Variants in AGBL1 observed in about 807,000 individuals in gnomAD.
The protein encoded by AGBL1 is AGBL carboxypeptidase 1.
Under a neutral mutation model 118.9 loss-of-function variants are expected in AGBL1, and 130 were observed. The ratio of observed to expected loss-of-function variants is 1.09; its 90% CI spans 0.95 to 1.26. The LOEUF (loss-of-function observed/expected upper bound fraction) is 1.26. AGBL1 is among the 50% of genes most tolerant of loss of function. The pLI, the probability that AGBL1 is intolerant of heterozygous loss-of-function variation, is 0.00. For synonymous variants in AGBL1, 555 were observed against 478.9 expected (o/e 1.16, Z -2.08); for missense variants, 1,584 against 1,298.1 (o/e 1.22, Z -3.38).
rs770780218 is a variant in AGBL1 at position 86,084,833 on chromosome 15, T to TATCCATCCATCCATCC, written c.51+4815_51+4830dup. 1.8e-3 allele frequency among the ~76,000 whole-genome samples: 272 copies of TATCCATCCATCCATCC among 152,314 alleles called. 8 individuals are homozygous for TATCCATCCATCCATCC. In the South Asian group the frequency reaches 0.053, roughly 30 times the overall value. On this transcript the variant is annotated intron_variant, in intron 1 of 22. Transcript: ENST00000614907. ...ATATTCACTCATCCACCCATTCATT[T>TATCCATCCATCCATCC]ATCCATCCATCCATCCATCCCATTT...
At chr15:86,476,807 C>A (rs1440408732) in intron 18 of AGBL1, among the ~76,000 whole-genome samples, 4 of 152,154 alleles carry the variant, frequency 2.6e-5, no homozygotes, top group Non-Finnish European at 5.9e-5. Context: ...TGCACTTATT[C>A]CAAAATTGAC....
intron 1 of AGBL1, among the ~76,000 whole-genome samples, chr15:86,131,804 G>T (rs2076823065): frequency 6.6e-6 from 1 of 151,948 alleles, no homozygotes; most frequent in African/African-American, 2.4e-5. Context: ...ACAAAAATGA[G>T]CAAGGTGTGG....
chr15:86,218,685 C>G (rs2078229776), intron 5 of AGBL1, among the ~76,000 whole-genome samples: 1 of 152,134 alleles, frequency 6.6e-6, no homozygotes. Context: ...TTGGGGAAAC[C>G]CCCATTGCAA....
At chr15:86,697,370 C>G (rs920410188) in intron 22 of AGBL1, among the ~76,000 whole-genome samples, 1 of 151,758 alleles carries the variant, frequency 6.6e-6, no homozygotes, top group Non-Finnish European at 1.5e-5. Flanking sequence ...CTTTCTTTTG[C>G]TTGTTCGATT....
At chr15:86,436,631 C>T (rs1429948587) in intron 18 of AGBL1, among the ~76,000 whole-genome samples, 1 of 152,092 alleles carries the variant, frequency 6.6e-6, no homozygotes, top group African/African-American at 2.4e-5. Flanking sequence ...CCTTTGCTGC[C>T]ATAACAATTA....
intron 18 of AGBL1, among the ~76,000 whole-genome samples, chr15:86,484,696 C>A (rs1454087562): frequency 6.6e-6 from 1 of 152,074 alleles, no homozygotes; most frequent in Non-Finnish European, 1.5e-5. Context: ...AGCCTATTAT[C>A]AATTGATTCC....
chr15:86,247,403 G>T (rs1272862861), intron 6 of AGBL1, among the ~76,000 whole-genome samples: 1 of 152,130 alleles, frequency 6.6e-6, no homozygotes, highest in Non-Finnish European at 1.5e-5. Flanking sequence ...GATCCAACTT[G>T]GGTTATGCAT....
At chr15:86,550,712 G>C (rs887498772) in intron 20 of AGBL1, among the ~76,000 whole-genome samples, 1 of 151,958 alleles carries the variant, frequency 6.6e-6, no homozygotes, top group Non-Finnish European at 1.5e-5. Context: ...TAACCAAAAA[G>C]AAAATTAGTA....
At chr15:86,487,888 C>G (rs909940029) in intron 18 of AGBL1, among the ~76,000 whole-genome samples, 3 of 152,110 alleles carry the variant, frequency 2.0e-5, no homozygotes, top group African/African-American at 7.2e-5. Flanking sequence ...TGAGAGAACA[C>G]TGGTCTGCAG....
At position 86,397,505 on chromosome 15, in the gene AGBL1, G is replaced by T; in HGVS notation, c.2514G>T (p.Lys838Asn). 1 of 1,612,772 alleles carries T rather than the reference G, an allele frequency of 6.2e-7. No homozygotes were observed. The highest frequency in any genetic ancestry group is 8.5e-7 in the Non-Finnish European group (1 of 1,179,336). Reference sequence around the variant, plus strand: ...TCTTGAGGGAAAACTTCATCTTCAAGATCATACCCATGCTCAACCCAGATG... The same window carrying T: ...TCTTGAGGGAAAACTTCATCTTCAATATCATACCCATGCTCAACCCAGATG... Reference protein sequence around the residue: ...ARLLRENFIFKIIPMLNPDGV... With the variant: ...ARLLRENFIFNIIPMLNPDGV... Residue 838 changes from lysine to asparagine, a missense_variant, in exon 18 of 23, where the codon AAG (lysine) becomes AAT (asparagine). Transcript: ENST00000614907.
rs555877075 is a variant in AGBL1, at chr15:86,745,572, T to A, written c.3158+71136T>A. 2.0e-5 allele frequency among the ~76,000 whole-genome samples: 3 copies of A among 152,082 alleles called. No homozygotes were observed. In the South Asian group the frequency reaches 6.2e-4, roughly 32 times the overall value. On this transcript the variant is annotated intron_variant, in intron 22 of 22. Transcript: ENST00000614907. ...GACCAAAATCTTGGTCAAGGGGAGA[T>A]GGCATTGAGGGCCTGGCATTTTCAA...
chr15:86,683,198 GTT>G (rs2085992765), intron 22 of AGBL1, among the ~76,000 whole-genome samples: 1 of 151,966 alleles, frequency 6.6e-6, no homozygotes, highest in African/African-American at 2.4e-5. Context: ...TCTCTTTATA[GTT>G]CCTTAACGTA....
At chr15:86,274,258 A>G (rs2079209116) in intron 15 of AGBL1, among the ~76,000 whole-genome samples, 1 of 152,224 alleles carries the variant, frequency 6.6e-6, no homozygotes, top group Non-Finnish European at 1.5e-5. Flanking sequence ...AGTTATAAAT[A>G]GTCTTTTTGG....
At chr15:86,190,568 T>A (rs1670400462) in intron 5 of AGBL1, among the ~76,000 whole-genome samples, 1 of 152,166 alleles carries the variant, frequency 6.6e-6, no homozygotes, top group African/African-American at 2.4e-5. Context: ...GGTAAATGCA[T>A]CATAACCAGC....
intron 9 of AGBL1, 128 bp downstream of exon 9, chr15:86,258,159 G>T (rs971804497): frequency 1.2e-6 from 1 of 852,350 alleles, no homozygotes; most frequent in Non-Finnish European, 1.8e-6. Flanking sequence ...CCACTCCAGT[G>T]GTCGTGATGC....
intron 17 of AGBL1, among the ~76,000 whole-genome samples, chr15:86,365,790 G>A (rs1056899490): frequency 1.3e-5 from 2 of 152,056 alleles, no homozygotes; most frequent in African/African-American, 4.8e-5. Flanking sequence ...GAACATTTCT[G>A]GGGTAAGGGA....
intron 20 of AGBL1, among the ~76,000 whole-genome samples, chr15:86,548,223 C>T (rs1298882154): frequency 6.6e-6 from 1 of 152,080 alleles, no homozygotes; most frequent in Non-Finnish European, 1.5e-5. Context: ...TCCTTCATTA[C>T]CATCAAAAGT....
intron 13 of AGBL1, 145 bp from the exon 14 acceptor site, chr15:86,269,774 A>T: frequency 1.1e-6 from 1 of 895,288 alleles, no homozygotes; most frequent in Non-Finnish European, 1.6e-6. Context: ...TTGTGGTATC[A>T]GGATGATAAG....
intron 17 of AGBL1, among the ~76,000 whole-genome samples, chr15:86,309,928 G>C (rs1242692756): frequency 6.6e-6 from 1 of 152,188 alleles, no homozygotes; most frequent in Non-Finnish European, 1.5e-5. Flanking sequence ...CAGTCATAGA[G>C]TAAAGCTGGC....
Sources: allele counts gnomAD v4.1 joint callset (sites outside exome capture counted in the v4.1 genomes callset), GRCh38; gene constraint gnomAD v4.1.1; transcripts MANE v1.5; gene names NCBI Gene and HGNC (gene_info 2026-07-23, HGNC 2026-07-21).